PDE9A: variants seen among roughly 807,000 people sequenced by gnomAD.
PDE9A encodes the protein high affinity cGMP-specific 3',5'-cyclic phosphodiesterase 9A.
A neutral mutation model predicts 87.4 loss-of-function variants in PDE9A; 60 were observed. That is an observed-to-expected ratio of 0.69 (90% confidence interval 0.56 to 0.85). PDE9A has a LOEUF of 0.85. PDE9A is among the 40% of genes least tolerant of loss of function. The probability of loss-of-function intolerance (pLI) is 0.00; values close to 1 mark genes in which losing one functional copy is unlikely to be tolerated. For synonymous variants in PDE9A, 272 were observed against 279.4 expected (o/e 0.97, Z 0.27); for missense variants, 665 against 779.0 (o/e 0.85, Z 1.74).
At chr21:42,769,645 GAC>G (rs1268062795) in intron 17 of PDE9A, among the ~76,000 whole-genome samples, 7 of 37,032 alleles carry the variant, frequency 1.9e-4, no homozygotes, top group South Asian at 2.9e-3. Flanking sequence ...CACACACAGG[GAC>G]ACACAGGCAC....
intron 8 of PDE9A, among the ~76,000 whole-genome samples, chr21:42,747,652 G>T (rs1166365382): frequency 2.0e-5 from 3 of 152,254 alleles, no homozygotes; most frequent in Non-Finnish European, 4.4e-5. Context: ...AGGTCCAACT[G>T]CCAGCTTACA....
At chr21:42,670,220 CACAT>C (rs1424391896) in intron 1 of PDE9A, among the ~76,000 whole-genome samples, 5 of 121,034 alleles carry the variant, frequency 4.1e-5, no homozygotes, top group South Asian at 2.4e-4. Flanking sequence ...TACATTCACA[CACAT>C]ACACTTACAT....
Position 42,722,688 on chromosome 21 carries a change from C to T in PDE9A, c.263-9082C>T, listed in dbSNP as rs537397232. On this transcript the variant is annotated intron_variant, in intron 4 of 19. Transcript: ENST00000291539. The surrounding 1 kb of genome is among the most constrained non-coding windows in gnomAD (Gnocchi z 4.1). ...GTACACATTCCCATCAGCTCAGGTG[C>T]GTGGAGGACGGAAGAACTGCTGTTG... is the stretch of plus-strand genomic sequence containing the variant. 8.5e-5 allele frequency among the ~76,000 whole-genome samples: 13 copies of T among 152,256 alleles called. No individual in the cohort carries two copies. The highest frequency in any genetic ancestry group is 1.9e-4 in the East Asian group (1 of 5,192).
chr21:42,727,489 ATTTTTT>A (rs58515760), intron 4 of PDE9A, among the ~76,000 whole-genome samples: 28 of 88,324 alleles, frequency 3.2e-4, no homozygotes, highest in Non-Finnish European at 3.7e-4. Flanking sequence ...ACGCCTGGCT[ATTTTTT>A]TTTTTTTTTT....
At chr21:42,683,860 A>T (rs944324573) in intron 1 of PDE9A, among the ~76,000 whole-genome samples, 2 of 152,200 alleles carry the variant, frequency 1.3e-5, no homozygotes, top group African/African-American at 4.8e-5. Context: ...AGGGGCTGGG[A>T]CAGGATGTGG....
rs916197023 is a variant in PDE9A, at chr21:42,702,486, A to T, written c.262+3475A>T. Among the ~76,000 whole-genome samples, 2 of 151,804 alleles carry T rather than the reference A, an allele frequency of 1.3e-5. No individual in the cohort carries two copies. The highest frequency in any genetic ancestry group is 4.8e-5 in the African/African-American group (2 of 41,300). On this transcript the variant is annotated intron_variant, in intron 4 of 19. Coordinates refer to ENST00000291539, the MANE Select transcript of PDE9A (RefSeq NM_002606.3). This position sits in a 1 kb window ranked among gnomAD's most constrained non-coding sequence, Gnocchi z 4.9. ...CTGTTGATTGATTTATCTCCTGGGTATGGGTCATATTTTTCTGATTCTCGT... is the reference window on the plus strand; with the variant it reads ...CTGTTGATTGATTTATCTCCTGGGTTTGGGTCATATTTTTCTGATTCTCGT...
intron 1 of PDE9A, among the ~76,000 whole-genome samples, chr21:42,669,669 T>C (rs1374461559): frequency 6.6e-6 from 1 of 152,184 alleles, no homozygotes; most frequent in Non-Finnish European, 1.5e-5. Flanking sequence ...ACATGCTGGC[T>C]GTATGTTCTC....
chr21:42,705,145 T>A lies in PDE9A; in HGVS notation c.262+6134T>A, dbSNP rs1044255007. On this transcript the variant is annotated intron_variant, in intron 4 of 19. Transcript: ENST00000291539. The surrounding 1 kb of genome is among the most constrained non-coding windows in gnomAD (Gnocchi z 4.3). ...GCCCCGTCCACGCGAAGGTCTGTGT[T>A]CACCAAGCATCTTCTGTAGAAAAAT... Among the ~76,000 whole-genome samples, 2 of 152,178 alleles carry A rather than the reference T, an allele frequency of 1.3e-5. No homozygotes were observed. Among genetic ancestry groups the A allele is most frequent in the Non-Finnish European group, 2.9e-5 (2 of 68,032 alleles).
In PDE9A at chr21:42,759,782, TGTG is replaced by T. The variant is rs370605438; in HGVS notation, c.898-544_898-542del. Among the ~76,000 whole-genome samples the T allele has an allele frequency of 8.4e-4, 125 of 148,434 alleles. No homozygotes were observed. Among genetic ancestry groups the T allele is most frequent in the African/African-American group, 3.0e-3 (120 of 40,040 alleles). ...GTGTGTGTGCATGTGTGTATCTGGA[TGTG>T]GGGGTGTGTGAGGGTGGATGTGTGC... On this transcript the variant is annotated intron_variant, in intron 11 of 19. Coordinates refer to ENST00000291539, the MANE Select transcript of PDE9A (RefSeq NM_002606.3). The surrounding 1 kb of genome is among the most constrained non-coding windows in gnomAD (Gnocchi z 7.2).
rs201811895 is a variant in PDE9A at position 42,770,787 on chromosome 21, G to T, written c.1675G>T (p.Ala559Ser). Residue 559 changes from alanine (A) to serine (S), a missense_variant, in exon 18 of 20, where the codon GCC becomes TCC. Coordinates refer to ENST00000291539, the MANE Select transcript of PDE9A (RefSeq NM_002606.3). Reference protein sequence around the residue: ...RYEELKRIDDAMKELQKKTDS... With the variant: ...RYEELKRIDDSMKELQKKTDS... The stretch of plus-strand genomic sequence containing the variant: ...CGAGGAGCTGAAGCGGATAGATGAC[G>T]CCATGAAAGAGGTAAAACACACTGA... 2 of 1,613,428 alleles carry T rather than the reference G, an allele frequency of 1.2e-6. No individual in the cohort carries two copies. Among genetic ancestry groups the T allele is most frequent in the Non-Finnish European group, 1.7e-6 (2 of 1,179,386 alleles).
At chr21:42,763,563 T>A (rs1401113793) in intron 14 of PDE9A, among the ~76,000 whole-genome samples, 1 of 152,174 alleles carries the variant, frequency 6.6e-6, no homozygotes, top group East Asian at 1.9e-4. Context: ...CACACTTTGA[T>A]CTTGGTTCTG....
intron 2 of PDE9A, among the ~76,000 whole-genome samples, 196 bp from the exon 3 acceptor site, chr21:42,687,721 G>A (rs1253968971): frequency 6.6e-6 from 1 of 152,162 alleles, no homozygotes; most frequent in Non-Finnish European, 1.5e-5. Flanking sequence ...ATTATACGCA[G>A]CTGTTTAATT....
In PDE9A at chr21:42,694,154, C is replaced by T. The variant is rs2060023942; in HGVS notation, c.219-4814C>T. Among the ~76,000 whole-genome samples the T allele has an allele frequency of 6.6e-6, 1 of 152,214 alleles. No homozygotes were observed. Among genetic ancestry groups the T allele is most frequent in the Admixed American group, 6.5e-5 (1 of 15,280 alleles). On this transcript the variant is annotated intron_variant, in intron 3 of 19. Transcript: ENST00000291539. The surrounding 1 kb of genome is among the most constrained non-coding windows in gnomAD (Gnocchi z 5.3). ...CTCTTTGTTTCTTCCTAGCAGACAGCAGCCCTCTCCCTCTAGCTCAGAAGC... is the reference window on the plus strand; with the variant it reads ...CTCTTTGTTTCTTCCTAGCAGACAGTAGCCCTCTCCCTCTAGCTCAGAAGC...
chr21:42,656,202 A>C (rs964246554), intron 1 of PDE9A, among the ~76,000 whole-genome samples: 2 of 152,064 alleles, frequency 1.3e-5, no homozygotes, highest in African/African-American at 4.8e-5. Flanking sequence ...GTTGCTTCCT[A>C]GGAGGGAGCC....
Position 42,726,622 on chromosome 21 carries a change from A to ATTTTTTTTTTT in PDE9A, c.263-5147_263-5146insTTTTTTTTTTT, listed in dbSNP as rs1445924271. On this transcript the variant is annotated intron_variant, in intron 4 of 19. Transcript: ENST00000291539. ...TATATATATATATATATATATATAT[A>ATTTTTTTTTTT]TATTTTTTTTTTTTTTTTTGTAGAG... Among the ~76,000 whole-genome samples the ATTTTTTTTTTT allele has an allele frequency of 8.1e-3, 205 of 25,206 alleles. 5 individuals are homozygous for ATTTTTTTTTTT. The highest frequency in any genetic ancestry group is 0.031 in the Middle Eastern group (1 of 32). 16.5% of individuals were successfully genotyped at this position (25,206 alleles called of 152,430 possible). A position where few individuals can be genotyped will look rare whatever the true frequency, so the allele number is the denominator to read the frequency against.
intron 1 of PDE9A, among the ~76,000 whole-genome samples, chr21:42,670,173 G>GCA (rs879889308): frequency 2.9e-5 from 4 of 138,900 alleles, no homozygotes; most frequent in Non-Finnish European, 6.2e-5. Context: ...ACATTCACAC[G>GCA]CACACATACA....
chr21:42,746,788 TG>T (rs2053898503), intron 8 of PDE9A, among the ~76,000 whole-genome samples: 1 of 152,156 alleles, frequency 6.6e-6, no homozygotes, highest in Non-Finnish European at 1.5e-5. Flanking sequence ...CGCCGGGCTG[TG>T]GGGGGCACCT....
chr21:42,772,790 T>C (rs931220824), intron 19 of PDE9A, among the ~76,000 whole-genome samples: 1 of 151,706 alleles, frequency 6.6e-6, no homozygotes, highest in African/African-American at 2.4e-5. Context: ...TGAGCCACCA[T>C]GCCTGGCTAG....
rs1191546477 is a variant in PDE9A at position 42,760,756 on chromosome 21, A to C, written c.1003-69A>C. The C allele has an allele frequency of 3.7e-6, 3 of 804,318 alleles. No homozygotes were observed. Among genetic ancestry groups the C allele is most frequent in the East Asian group, 2.8e-5 (1 of 36,178 alleles). The allele number at this position is 804,318 out of a possible 1,614,324, so 49.8% of individuals were successfully genotyped here. On this transcript the variant is annotated intron_variant, in intron 12 of 19. Coordinates refer to ENST00000291539, the MANE Select transcript of PDE9A (RefSeq NM_002606.3). The surrounding 1 kb of genome is among the most constrained non-coding windows in gnomAD (Gnocchi z 5.2). ...CCCCGCTTACCACTCACCCAATTCC[A>C]CCCCCCCTCACCCCATCCCACCCTC...
Sources: gnomAD v4.1 joint callset for allele counts (sites outside exome capture counted in the v4.1 genomes callset) on GRCh38, gnomAD v4.1.1 for gene constraint, Gnocchi (gnomAD v3.1) non-coding constraint, MANE v1.5 for transcripts, NCBI Gene and HGNC (gene_info 2026-07-23, HGNC 2026-07-21) for gene names.